The following ATXN7L2 variants were observed in gnomAD, a reference collection of about 807,000 sequenced individuals.
ATXN7L2 encodes ataxin-7-like protein 2.
Under a neutral mutation model 59.6 loss-of-function variants are expected in ATXN7L2, and 17 were observed. That is an observed-to-expected ratio of 0.29 (90% CI 0.20 to 0.43). The LOEUF (loss-of-function observed/expected upper bound fraction) is 0.43. Ranked by LOEUF, ATXN7L2 falls within the 20% of genes least tolerant of loss-of-function variation. The pLI, the probability that ATXN7L2 is intolerant of heterozygous loss-of-function variation, is 1.00. For synonymous variants in ATXN7L2, 378 were observed against 392.5 expected, an observed-to-expected ratio of 0.96 and a Z score of 0.44; for missense variants, 858 against 1,008.9, an observed-to-expected ratio of 0.85 and a Z score of 2.03.
At position 109,488,927 on chromosome 1, in the gene ATXN7L2, C is replaced by T; in HGVS notation, c.960C>T (p.Asn320=). The T allele has an allele frequency of 4.3e-6, 7 of 1,614,176 alleles. No homozygotes were observed. The highest frequency in any genetic ancestry group is 5.1e-6 in the Non-Finnish European group (6 of 1,180,036). ...FDVLVAELKA[N]SRKGESPKEK... ...TGCTGGTGGCAGAGCTGAAGGCCAACTCCCGCAAAGGGGAGTCTCCCAAGG... is the reference window on the plus strand; with the variant it reads ...TGCTGGTGGCAGAGCTGAAGGCCAATTCCCGCAAAGGGGAGTCTCCCAAGG... The change falls in exon 7 of 11, where the codon AAC becomes AAT. Residue 320 remains asparagine (N), a synonymous_variant. Transcript: ENST00000683729. The surrounding 1 kb of genome is among the most constrained non-coding windows in gnomAD (Gnocchi z 5.0).
chr1:109,492,743 C>A, downstream of ATXN7L2: 1 of 937,018 alleles, frequency 1.1e-6, no homozygotes, highest in Non-Finnish European at 1.6e-6. Context: ...AAGACTGTCT[C>A]CCTGTTCTGT....
At position 109,488,588 on chromosome 1, in the gene ATXN7L2, AC is replaced by A; in HGVS notation, c.879+126del. On this transcript the variant is annotated intron_variant, in intron 6 of 10. Transcript: ENST00000683729. This position sits in a 1 kb window ranked among gnomAD's most constrained non-coding sequence, Gnocchi z 5.0. ...AGCTTAAGGGAGGGCAGTTAGGCCC[AC>A]CCAAGGGAAGGGGAGATGGGTATGC... The A allele has an allele frequency of 8.6e-7, 1 of 1,166,816 alleles. No homozygotes were observed. Among genetic ancestry groups the A allele is most frequent in the Non-Finnish European group, 1.2e-6 (1 of 820,538 alleles). The allele number at this position is 1,166,816 out of a possible 1,614,324, so 72.3% of individuals were successfully genotyped here. A position where few individuals can be genotyped will look rare whatever the true frequency, so the allele number is the denominator to read the frequency against.
At chr1:109,490,208 G>A in intron 8 of ATXN7L2, 63 bp from the exon 9 acceptor site, 3 of 1,593,058 alleles carry the variant, frequency 1.9e-6, no homozygotes, top group Non-Finnish European at 2.6e-6. Flanking sequence ...GCCAGATCCT[G>A]TGTGCAGATG....
chr1:109,486,282 G>C lies in ATXN7L2; in HGVS notation c.193+160G>C. 1 of 1,194,142 alleles carries C rather than the reference G, an allele frequency of 8.4e-7. No individual in the cohort carries two copies. The highest frequency in any genetic ancestry group is 1.1e-6 in the Non-Finnish European group (1 of 877,878). The allele number at this position is 1,194,142 out of a possible 1,614,324, so 74.0% of individuals were successfully genotyped here. ...CCGGTTGTTCTGGCTCCTGTGACCT[G>C]TCGTTGGAGATCATAATCATAGGTG... On this transcript the variant is annotated intron_variant, in intron 2 of 10. Coordinates refer to ENST00000683729, the MANE Select transcript of ATXN7L2 (RefSeq NM_001350175.2). This position sits in a 1 kb window ranked among gnomAD's most constrained non-coding sequence, Gnocchi z 4.3.
chr1:109,489,248 G>A, intron 7 of ATXN7L2, 148 bp downstream of exon 7: 1 of 1,114,934 alleles, frequency 9.0e-7, no homozygotes, highest in Non-Finnish European at 1.3e-6. Flanking sequence ...CCTGACAGTG[G>A]TGTGGAAGCA....
Position 109,490,108 on chromosome 1 carries a change from C to G in ATXN7L2, c.1312C>G (p.Arg438Gly). Residue 438 changes from arginine (R) to glycine (G), a missense_variant, in exon 8 of 11, where the codon CGG (arginine) becomes GGG (glycine). Around this residue, in one of 3 missense-constraint regions of ATXN7L2, gnomAD observed 734 missense variants for 862.3 expected, o/e 0.85. Transcript: ENST00000683729. ...ACCCCCTGACTGCCATTATGCAACCCGGCCCCCACGGCCACAGGCGGTAAG... is the reference window on the plus strand; with the variant it reads ...ACCCCCTGACTGCCATTATGCAACCGGGCCCCCACGGCCACAGGCGGTAAG... ...HPPPDCHYAT[R>G]PPRPQAFCTF... The G allele has an allele frequency of 6.3e-7, 1 of 1,575,590 alleles. No individual in the cohort carries two copies. Among genetic ancestry groups the G allele is most frequent in the Non-Finnish European group, 8.6e-7 (1 of 1,160,596 alleles).
chr1:109,489,310 C>T (rs1557871425), intron 7 of ATXN7L2: 5 of 625,736 alleles, frequency 8.0e-6, no homozygotes, highest in Non-Finnish European at 1.3e-5. Context: ...AGCCTCTCGG[C>T]AGTGTGCCAG....
intron 7 of ATXN7L2, chr1:109,489,676 G>A (rs1167884978): frequency 1.8e-6 from 1 of 552,656 alleles, no homozygotes; most frequent in African/African-American, 1.9e-5. Flanking sequence ...ATCTGCAGCA[G>A]ATTATCCCCT....
At chr1:109,485,250 A>C in intron 1 of ATXN7L2, 1 of 818,380 alleles carries the variant, frequency 1.2e-6, no homozygotes, top group Non-Finnish European at 1.4e-6. Flanking sequence ...GGGGGCGTAG[A>C]GGAGGGAGGG....
At chr1:109,492,740 T>C, downstream of ATXN7L2, 1 of 932,138 alleles carries the variant, frequency 1.1e-6, no homozygotes, top group Non-Finnish European at 1.6e-6. Context: ...CTCAAGACTG[T>C]CTCCCTGTTC....
rs1052842942 is a variant in ATXN7L2, at chr1:109,491,660, G to A, written c.2193G>A (p.Val731=). ...AGAPADVACS[V]RRKKPGPALA... is the part of the protein sequence containing the mutation. Reference sequence around the variant, plus strand: ...CCCCTGCTGATGTGGCCTGCTCTGTGCGCCGCAAGAAGCCAGGCCCGGCCC... The same window carrying A: ...CCCCTGCTGATGTGGCCTGCTCTGTACGCCGCAAGAAGCCAGGCCCGGCCC... Residue 731 remains valine (V), a synonymous_variant, in exon 10 of 11, where the codon GTG becomes GTA. Transcript: ENST00000683729. The surrounding 1 kb of genome is among the most constrained non-coding windows in gnomAD (Gnocchi z 4.1). The A allele has an allele frequency of 2.5e-6, 4 of 1,611,412 alleles. No individual in the cohort carries two copies. The African/African-American group carries it at 4.0e-5, about 16-fold the overall frequency.
At position 109,487,073 on chromosome 1, in the gene ATXN7L2, G is replaced by A. The variant is rs752104865; in HGVS notation, c.365G>A (p.Ser122Asn). The A allele has an allele frequency of 4.3e-5, 70 of 1,612,772 alleles. No homozygotes were observed. The highest frequency in any genetic ancestry group is 5.9e-5 in the Non-Finnish European group (70 of 1,179,438). ...RAPPPPPAPASSQKCHVVNGQ... is the reference protein window; with the variant it reads ...RAPPPPPAPANSQKCHVVNGQ... ...CCACCCCCACCTCCAGCCCCTGCCA[G>A]CTCTCAGAAATGCCATGTAGTGAAT... The change falls in exon 4 of 11, where the codon AGC becomes AAC. Residue 122 changes from serine (S) to asparagine (N), a missense_variant. Transcript: ENST00000683729.
In ATXN7L2 at chr1:109,491,693, T is replaced by C. The variant is rs758465962; in HGVS notation, c.2226T>C (p.Phe742=). 1 of 1,605,678 alleles carries C rather than the reference T, an allele frequency of 6.2e-7. No homozygotes were observed. Among genetic ancestry groups the C allele is most frequent in the South Asian group, 1.1e-5 (1 of 90,626 alleles). ...RRKKPGPALA[F]EEKCSTLKSK... ...AGAAGCCAGGCCCGGCCCTGGCCTTTGAGGAGAAGTGCTCTACACTGAAGG... is the reference window on the plus strand; with the variant it reads ...AGAAGCCAGGCCCGGCCCTGGCCTTCGAGGAGAAGTGCTCTACACTGAAGG... The change falls in exon 10 of 11, where the codon TTT becomes TTC. Residue 742 remains phenylalanine (F), a synonymous_variant. Transcript: ENST00000683729. This position sits in a 1 kb window ranked among gnomAD's most constrained non-coding sequence, Gnocchi z 4.1.
At chr1:109,487,252 C>T in intron 4 of ATXN7L2, 35 bp downstream of exon 4, 1 of 1,460,802 alleles carries the variant, frequency 6.8e-7, no homozygotes, top group Non-Finnish European at 9.1e-7. Flanking sequence ...AAGACTGGCC[C>T]TGACCCTGAC....
chr1:109,491,949 T>TG lies in ATXN7L2; in HGVS notation c.2250+233dup. 8.1e-7 allele frequency: 1 copy of TG among 1,228,890 alleles called. No homozygotes were observed. 76.1% of individuals were successfully genotyped at this position (1,228,890 alleles called of 1,614,324 possible). A position where few individuals can be genotyped will look rare whatever the true frequency, so the allele number is the denominator to read the frequency against. On this transcript the variant is annotated intron_variant, in intron 10 of 10. Coordinates refer to ENST00000683729, the MANE Select transcript of ATXN7L2 (RefSeq NM_001350175.2). The surrounding 1 kb of genome is among the most constrained non-coding windows in gnomAD (Gnocchi z 4.1). ...AACCCTTTCCCTTGGGCTGAGGAGA[T>TG]GCGGCACCCCTCCACCCCTGCTTTT...
chr1:109,486,101 G>C lies in ATXN7L2; in HGVS notation c.172G>C (p.Ala58Pro). The C allele has an allele frequency of 6.3e-7, 1 of 1,599,844 alleles. No individual in the cohort carries two copies. The highest frequency in any genetic ancestry group is 8.5e-7 in the Non-Finnish European group (1 of 1,174,668). Residue 58 changes from alanine (A) to proline (P), a missense_variant, in exon 2 of 11, where the codon GCC (alanine) becomes CCC (proline). Ala to Pro is a conservative substitution (Grantham distance 27). Coordinates refer to ENST00000683729, the MANE Select transcript of ATXN7L2 (RefSeq NM_001350175.2). This position sits in a 1 kb window ranked among gnomAD's most constrained non-coding sequence, Gnocchi z 4.3. ...ESSKNTKKLD[A>P]MTLIKEDMSI... Reference sequence around the variant, plus strand: ...TAGCAAAAACACGAAGAAGTTGGATGCCATGACCCTCATTAAAGAAGGTGG... The same window carrying C: ...TAGCAAAAACACGAAGAAGTTGGATCCCATGACCCTCATTAAAGAAGGTGG...
chr1:109,489,385 G>T (rs1476768292), intron 7 of ATXN7L2: 2 of 476,984 alleles, frequency 4.2e-6, no homozygotes, highest in Non-Finnish European at 7.5e-6. Flanking sequence ...TGTCACTGGG[G>T]AGCTGAAAGG....
chr1:109,492,008 G>T, intron 10 of ATXN7L2: 2 of 1,195,564 alleles, frequency 1.7e-6, no homozygotes, highest in Admixed American at 4.0e-5. Context: ...TTCTGAATTG[G>T]CTGTGACCCT....
intron 5 of ATXN7L2, 139 bp downstream of exon 5, chr1:109,487,943 C>T: frequency 1.9e-6 from 2 of 1,028,382 alleles, no homozygotes; most frequent in Non-Finnish European, 2.7e-6. Flanking sequence ...GCCCCGTCAC[C>T]TCTTGACCTG....
Sources: allele counts gnomAD v4.1 joint callset, GRCh38; gene constraint gnomAD v4.1.1; regional missense constraint gnomAD v4.1.1; non-coding constraint Gnocchi (gnomAD v3.1); transcripts MANE v1.5; gene names NCBI Gene and HGNC (gene_info 2026-07-23, HGNC 2026-07-21).